CPQ: variants seen among roughly 807,000 people sequenced by gnomAD.
The protein encoded by CPQ is Ser-Met dipeptidase.
A neutral mutation model predicts 45.7 loss-of-function variants in CPQ; 37 were observed. The ratio of observed to expected loss-of-function variants is 0.81; its 90% CI spans 0.62 to 1.07. CPQ has a LOEUF of 1.07. CPQ is among the 50% of genes least tolerant of loss of function. CPQ has a pLI of 0.00. For synonymous variants in CPQ, 186 were observed against 205.8 expected (o/e 0.90, Z 0.82); for missense variants, 537 against 572.9 (o/e 0.94, Z 0.64).
intron 5 of CPQ, among the ~76,000 whole-genome samples, chr8:97,008,388 G>A (rs114919118): frequency 1.3e-5 from 2 of 152,188 alleles, no homozygotes; most frequent in Admixed American, 1.3e-4. Context: ...GTGAACAAAT[G>A]TACCTTTGAC....
intron 7 of CPQ, among the ~76,000 whole-genome samples, chr8:97,077,925 C>A (rs888810562): frequency 1.3e-5 from 2 of 152,118 alleles, no homozygotes; most frequent in Middle Eastern, 3.2e-3. Flanking sequence ...ATCAGCTATT[C>A]AGTTACTCTG....
intron 5 of CPQ, among the ~76,000 whole-genome samples, chr8:97,016,822 A>G (rs144401398): frequency 1.2e-4 from 19 of 152,340 alleles, no homozygotes; most frequent in Middle Eastern, 3.4e-3. Context: ...TGGCCTGTTC[A>G]GGGACTGGTA....
rs190407482 is a variant in CPQ, at chr8:96,776,447, A to G, written c.-34-8417A>G. Among the ~76,000 whole-genome samples, 73 of 152,312 alleles carry G rather than the reference A, an allele frequency of 4.8e-4. 1 individual carries two copies. The highest frequency in any genetic ancestry group is 1.8e-3 in the African/African-American group (73 of 41,598). On this transcript the variant is annotated intron_variant, in intron 1 of 7. Coordinates refer to ENST00000220763, the MANE Select transcript of CPQ (RefSeq NM_016134.4). ...TCACAATAAAAGATCAATAAATCTC[A>G]GGCTTTAAATCTTAGTCTCTCTATC...
chr8:96,898,105 T>G (rs1812467461), intron 4 of CPQ, among the ~76,000 whole-genome samples: 1 of 152,146 alleles, frequency 6.6e-6, no homozygotes, highest in African/African-American at 2.4e-5. Context: ...TCTCCCAACA[T>G]TTGTGCTCCT....
chr8:96,864,548 G>T (rs1212221258), intron 3 of CPQ, among the ~76,000 whole-genome samples: 2 of 152,018 alleles, frequency 1.3e-5, no homozygotes, highest in East Asian at 3.9e-4. Context: ...TATGTAGAAT[G>T]GCTACATATT....
rs1563479944 is a variant in CPQ, at chr8:96,724,522, CACA to C, written c.-34-60341_-34-60339del. Among the ~76,000 whole-genome samples, 55 of 151,840 alleles carry C rather than the reference CACA, an allele frequency of 3.6e-4. 1 individual carries two copies. The highest frequency in any genetic ancestry group is 3.1e-3 in the East Asian group (16 of 5,178). On this transcript the variant is annotated intron_variant, in intron 1 of 7. Coordinates refer to ENST00000220763, the MANE Select transcript of CPQ (RefSeq NM_016134.4). ...ACACACACACACACACACACACACA[CACA>C]CCCCTAGGAATACATCTAACAAAGG...
At chr8:96,899,205 A>G (rs1041209263) in intron 4 of CPQ, among the ~76,000 whole-genome samples, 2 of 152,180 alleles carry the variant, frequency 1.3e-5, no homozygotes, top group Non-Finnish European at 2.9e-5. Flanking sequence ...AGTTTTGATC[A>G]AGCCTGTATC....
At chr8:96,677,415 C>T (rs1006697638) in intron 1 of CPQ, among the ~76,000 whole-genome samples, 8 of 152,116 alleles carry the variant, frequency 5.3e-5, no homozygotes, top group Non-Finnish European at 4.4e-5. Flanking sequence ...TTGCATTTCC[C>T]TGATCATTAG....
intron 7 of CPQ, among the ~76,000 whole-genome samples, chr8:97,079,161 T>TTATTTTC (rs1227693485): frequency 1.3e-5 from 2 of 152,106 alleles, no homozygotes; most frequent in Non-Finnish European, 1.5e-5. Flanking sequence ...GTTTAAATGC[T>TTATTTTC]TATTTTCTAA....
intron 2 of CPQ, among the ~76,000 whole-genome samples, chr8:96,814,172 A>G (rs1229279016): frequency 6.6e-6 from 1 of 152,152 alleles, no homozygotes; most frequent in Non-Finnish European, 1.5e-5. Context: ...TCAATAAATT[A>G]GATTTTAATT....
intron 7 of CPQ, among the ~76,000 whole-genome samples, chr8:97,139,976 A>G (rs1311441170): frequency 1.3e-5 from 2 of 151,428 alleles, no homozygotes; most frequent in East Asian, 2.0e-4. Context: ...TTTTTCTTCA[A>G]ATTATTAATA....
rs553163674 is a variant in CPQ, at chr8:96,907,488, C to A, written c.849+27483C>A. The stretch of plus-strand genomic sequence containing the variant: ...GCCTATCAAAATAGCCATACCCAAC[C>A]ATAACTCTATTGTTACTGCTGTTGA... On this transcript the variant is annotated intron_variant, in intron 4 of 7. Coordinates refer to ENST00000220763, the MANE Select transcript of CPQ (RefSeq NM_016134.4). Among the ~76,000 whole-genome samples, 5 of 152,260 alleles carry A rather than the reference C, an allele frequency of 3.3e-5. No individual in the cohort carries two copies. In the South Asian group the frequency reaches 1.0e-3, roughly 32 times the overall value.
intron 6 of CPQ, among the ~76,000 whole-genome samples, chr8:97,032,469 T>C (rs1392186120): frequency 2.6e-5 from 4 of 152,244 alleles, no homozygotes; most frequent in African/African-American, 9.6e-5. Context: ...GGCTAGGGCA[T>C]ACAGGCACTG....
Position 96,835,299 on chromosome 8 carries a change from C to G in CPQ, c.641+119C>G, listed in dbSNP as rs1046451031. 1.9e-5 allele frequency: 14 copies of G among 752,472 alleles called. No homozygotes were observed. In the Admixed American group the frequency reaches 4.4e-4, roughly 24 times the overall value. The allele number at this position is 752,472 out of a possible 1,614,324, so 46.6% of individuals were successfully genotyped here. A position where few individuals can be genotyped will look rare whatever the true frequency, so the allele number is the denominator to read the frequency against. On this transcript the variant is annotated intron_variant, in intron 3 of 7. Coordinates refer to ENST00000220763, the MANE Select transcript of CPQ (RefSeq NM_016134.4). ...AAATACTTATTGTTCATGGAGTTTC[C>G]CCCCCAAACACACACACCCATTCCA... is the stretch of plus-strand genomic sequence containing the variant.
chr8:96,730,688 C>T (rs1809899659), intron 1 of CPQ, among the ~76,000 whole-genome samples: 2 of 151,806 alleles, frequency 1.3e-5, no homozygotes, highest in Middle Eastern at 6.8e-3. Context: ...TGAACTGGCA[C>T]ATTGGCATCA....
chr8:96,963,390 A>G (rs1048470642), intron 4 of CPQ, among the ~76,000 whole-genome samples: 1 of 152,190 alleles, frequency 6.6e-6, no homozygotes, highest in African/African-American at 2.4e-5. Context: ...TCTTAGAAAC[A>G]ATCCATTTGG....
intron 7 of CPQ, among the ~76,000 whole-genome samples, chr8:97,129,250 C>A (rs1189183717): frequency 6.6e-6 from 1 of 152,160 alleles, no homozygotes; most frequent in Non-Finnish European, 1.5e-5. Flanking sequence ...ATTGCCCTCT[C>A]ACTCCACTCT....
In CPQ at chr8:96,669,808, T is replaced by C. The variant is rs369318311; in HGVS notation, c.-35+24406T>C. Among the ~76,000 whole-genome samples, 3 of 152,292 alleles carry C rather than the reference T, an allele frequency of 2.0e-5. No individual in the cohort carries two copies. The East Asian group carries it at 5.8e-4, about 29-fold the overall frequency. On this transcript the variant is annotated intron_variant, in intron 1 of 7. Coordinates refer to ENST00000220763, the MANE Select transcript of CPQ (RefSeq NM_016134.4). Reference sequence around the variant, plus strand: ...GAAAGGAGAGAAAAACATATGTAATTGATTCTTGTTAATCATGGTAGTTAT... The same window carrying C: ...GAAAGGAGAGAAAAACATATGTAATCGATTCTTGTTAATCATGGTAGTTAT...
At chr8:97,112,715 G>A (rs1442231402) in intron 7 of CPQ, among the ~76,000 whole-genome samples, 1 of 152,216 alleles carries the variant, frequency 6.6e-6, no homozygotes, top group Non-Finnish European at 1.5e-5. Context: ...GCATGGATCA[G>A]AGGGCAACAC....
Sources: gnomAD v4.1 joint callset for allele counts (sites outside exome capture counted in the v4.1 genomes callset) on GRCh38, gnomAD v4.1.1 for gene constraint, MANE v1.5 for transcripts, NCBI Gene and HGNC (gene_info 2026-07-23, HGNC 2026-07-21) for gene names.